The following BNC2 variants were observed in gnomAD, a reference collection of about 807,000 sequenced individuals.
BNC2 encodes the protein basonuclin zinc finger protein 2.
In BNC2, 20 loss-of-function variants were observed where a neutral mutation model predicts 76.3. The observed-to-expected ratio is 0.26, with a 90% CI of 0.18 to 0.38. The LOEUF (loss-of-function observed/expected upper bound fraction) is 0.38. Ranked by LOEUF, BNC2 falls within the 10% of genes least tolerant of loss-of-function variation. The pLI, the probability that BNC2 is intolerant of heterozygous loss-of-function variation, is 1.00. For missense variants in BNC2, 1,382 were observed against 1,399.8 expected (o/e 0.99, Z 0.20); for synonymous variants, 582 against 514.8 (o/e 1.13, Z -1.77).
chr9:16,805,010 C>T (rs1345996876), intron 1 of BNC2, among the ~76,000 whole-genome samples: 5 of 151,836 alleles, frequency 3.3e-5, no homozygotes, highest in East Asian at 1.9e-4. Flanking sequence ...TGCAGTGAGC[C>T]GAGACCACGC....
chr9:16,535,349 T>C (rs1818098805), intron 5 of BNC2, among the ~76,000 whole-genome samples: 1 of 152,186 alleles, frequency 6.6e-6, no homozygotes. Context: ...GACAGAGGAA[T>C]AGAAATTGTT....
chr9:16,769,262 G>T (rs963803535), intron 1 of BNC2, among the ~76,000 whole-genome samples: 3 of 152,178 alleles, frequency 2.0e-5, no homozygotes, highest in African/African-American at 7.2e-5. Flanking sequence ...CATGAGCAGG[G>T]ACCACGTCTG....
At chr9:16,428,075 T>C (rs1820834734) in intron 6 of BNC2, among the ~76,000 whole-genome samples, 1 of 152,218 alleles carries the variant, frequency 6.6e-6, no homozygotes, top group African/African-American at 2.4e-5. Context: ...GATGCTAATA[T>C]AGCTTGGAGT....
At chr9:16,806,478 C>A (rs1001489008) in intron 1 of BNC2, among the ~76,000 whole-genome samples, 6 of 152,216 alleles carry the variant, frequency 3.9e-5, no homozygotes, top group Non-Finnish European at 5.9e-5. Flanking sequence ...GGAATTTAAG[C>A]AAAGTTTAGC....
intron 5 of BNC2, among the ~76,000 whole-genome samples, chr9:16,464,076 A>G (rs1821650103): frequency 1.4e-5 from 2 of 139,458 alleles, no homozygotes; most frequent in South Asian, 5.0e-4. Context: ...CCTAGGAGAC[A>G]GGGCAAGACC....
chr9:16,838,398 G>C (rs935761219), intron 1 of BNC2, among the ~76,000 whole-genome samples: 8 of 151,892 alleles, frequency 5.3e-5, no homozygotes, highest in East Asian at 1.9e-4. Flanking sequence ...CTACTAAAAA[G>C]AAAAAATACA....
intron 2 of BNC2, among the ~76,000 whole-genome samples, chr9:16,735,262 AAAG>A (rs1824631082): frequency 6.6e-6 from 1 of 152,160 alleles, no homozygotes; most frequent in Admixed American, 6.5e-5. Flanking sequence ...TGGTTTAAAA[AAAG>A]AAAAGTGACT....
intron 5 of BNC2, among the ~76,000 whole-genome samples, chr9:16,524,183 C>T (rs1472739182): frequency 1.3e-5 from 2 of 152,188 alleles, no homozygotes; most frequent in South Asian, 2.1e-4. Flanking sequence ...ACAAGGAAAC[C>T]AGTAGCAACA....
intron 5 of BNC2, among the ~76,000 whole-genome samples, chr9:16,526,349 T>C (rs1817799575): frequency 6.6e-6 from 1 of 152,052 alleles, no homozygotes; most frequent in African/African-American, 2.4e-5. Flanking sequence ...TAAATTCCTT[T>C]CCAAATGAAA....
At chr9:16,790,061 G>T (rs1396327614) in intron 1 of BNC2, among the ~76,000 whole-genome samples, 1 of 152,070 alleles carries the variant, frequency 6.6e-6, no homozygotes, top group Non-Finnish European at 1.5e-5. Flanking sequence ...GTGCAGTGGC[G>T]CGATCTCGGC....
At chr9:16,780,564 C>G (rs1383714177) in intron 1 of BNC2, among the ~76,000 whole-genome samples, 1 of 139,344 alleles carries the variant, frequency 7.2e-6, no homozygotes, top group Non-Finnish European at 1.5e-5. Flanking sequence ...GGGCAAGACT[C>G]CGCCTTAAAA....
In BNC2 at chr9:16,552,686, G is replaced by A. The variant is rs1189973692; in HGVS notation, c.513C>T (p.Ile171=). ...EIVQSNVVFD[I]SSLMLYGTQA... ...GTGTCCCATAGAGCATCAGGCTGCT[G>A]ATGTCAAACACGACGTTGGACTGCA... Residue 171 remains isoleucine, a synonymous_variant, in exon 5 of 7, where the codon ATC becomes ATT. Transcript: ENST00000380672. 2 of 1,614,218 alleles carry A rather than the reference G, an allele frequency of 1.2e-6. No individual in the cohort carries two copies. The highest frequency in any genetic ancestry group is 2.2e-5 in the East Asian group (1 of 44,866).
chr9:16,653,936 G>GC (rs753704154), intron 3 of BNC2, among the ~76,000 whole-genome samples: 84 of 151,492 alleles, frequency 5.5e-4, no homozygotes, highest in Non-Finnish European at 1.0e-3. Flanking sequence ...TCCTTCCTCG[G>GC]CCCCCCTCCT....
intron 5 of BNC2, among the ~76,000 whole-genome samples, chr9:16,470,630 G>A (rs1457313472): frequency 6.6e-6 from 1 of 152,196 alleles, no homozygotes; most frequent in Non-Finnish European, 1.5e-5. Context: ...TGGCTGAAAG[G>A]GGCCAACATA....
intron 5 of BNC2, among the ~76,000 whole-genome samples, chr9:16,522,351 T>C (rs900099462): frequency 6.6e-6 from 1 of 152,162 alleles, no homozygotes; most frequent in African/African-American, 2.4e-5. Flanking sequence ...GCATGCCCGA[T>C]TGATATAAAT....
chr9:16,623,890 T>A (rs1239921750), intron 3 of BNC2, among the ~76,000 whole-genome samples: 2 of 152,206 alleles, frequency 1.3e-5, no homozygotes, highest in Admixed American at 1.3e-4. Context: ...TATTGTGTAT[T>A]TTTGTCTCCT....
At chr9:16,801,820 T>G (rs1373957704) in intron 1 of BNC2, among the ~76,000 whole-genome samples, 1 of 152,076 alleles carries the variant, frequency 6.6e-6, no homozygotes, top group Non-Finnish European at 1.5e-5. Context: ...AATCCCTTAC[T>G]GTATAGCTTC....
At chr9:16,505,693 A>C (rs1445681331) in intron 5 of BNC2, among the ~76,000 whole-genome samples, 1 of 152,174 alleles carries the variant, frequency 6.6e-6, no homozygotes, top group Non-Finnish European at 1.5e-5. Flanking sequence ...CTTATCAGTA[A>C]CAGTTAAAGA....
At chr9:16,817,229 T>G (rs974197050) in intron 1 of BNC2, among the ~76,000 whole-genome samples, 1 of 152,070 alleles carries the variant, frequency 6.6e-6, no homozygotes, top group Non-Finnish European at 1.5e-5. Flanking sequence ...ATTTGTGCTG[T>G]AAGGAATAAG....
Sources: allele counts gnomAD v4.1 joint callset (sites outside exome capture counted in the v4.1 genomes callset), GRCh38; gene constraint gnomAD v4.1.1; transcripts MANE v1.5; gene names NCBI Gene and HGNC (gene_info 2026-07-23, HGNC 2026-07-21).